The following SV2C variants were observed in gnomAD, a reference collection of about 807,000 sequenced individuals.
The protein encoded by SV2C is solute carrier family 22 member B3.
Under a neutral mutation model 79.7 loss-of-function variants are expected in SV2C, and 49 were observed. The ratio of observed to expected loss-of-function variants is 0.61; its 90% CI spans 0.49 to 0.78. The LOEUF (loss-of-function observed/expected upper bound fraction) is 0.78. Ranked by LOEUF, SV2C falls within the 30% of genes least tolerant of loss-of-function variation. The pLI is 0.00. For synonymous variants in SV2C, 334 were observed against 333.2 expected (o/e 1.00, Z -0.03); for missense variants, 833 against 912.9 (o/e 0.91, Z 1.13).
the SV2C span, among the ~76,000 whole-genome samples, chr5:75,957,259 A>G: frequency 6.6e-6 from 1 of 152,060 alleles, no homozygotes; most frequent in Non-Finnish European, 1.5e-5. Context: ...AGTAACATCT[A>G]CTAAGACATA....
the SV2C span, among the ~76,000 whole-genome samples, chr5:75,977,549 GT>G: frequency 6.6e-6 from 1 of 152,038 alleles, no homozygotes; most frequent in Admixed American, 6.6e-5. Context: ...TTGAAATTTT[GT>G]TTTTTAGCAC....
At chr5:75,919,000 C>A in the SV2C span, among the ~76,000 whole-genome samples, 1 of 152,124 alleles carries the variant, frequency 6.6e-6, no homozygotes, top group African/African-American at 2.4e-5. Flanking sequence ...TTAAACATTC[C>A]GGCAGAATTC....
chr5:75,927,985 G>A, the SV2C span, among the ~76,000 whole-genome samples: 9,667 of 152,254 alleles, frequency 0.063, 1,010 homozygotes, highest in African/African-American at 0.22. Context: ...CTTTCATCGA[G>A]TGTCTATTAC....
intron 4 of SV2C, among the ~76,000 whole-genome samples, chr5:76,272,696 A>C (rs1746908993): frequency 6.6e-6 from 1 of 152,226 alleles, no homozygotes. Flanking sequence ...TATCTGGTAG[A>C]GACACAAGAT....
the SV2C span, among the ~76,000 whole-genome samples, chr5:75,988,161 G>A: frequency 2.0e-5 from 3 of 151,878 alleles, no homozygotes; most frequent in African/African-American, 7.2e-5. Context: ...GGACATTACT[G>A]TATATGTCAT....
At chr5:75,932,902 A>G in the SV2C span, among the ~76,000 whole-genome samples, 1 of 152,152 alleles carries the variant, frequency 6.6e-6, no homozygotes, top group Non-Finnish European at 1.5e-5. Context: ...GCTGATACAA[A>G]GGGAACTATT....
chr5:75,966,482 C>T, the SV2C span, among the ~76,000 whole-genome samples: 3 of 152,156 alleles, frequency 2.0e-5, no homozygotes, highest in African/African-American at 7.2e-5. Context: ...CAAAGGCAAC[C>T]TTTAGTTGCC....
upstream of SV2C, among the ~76,000 whole-genome samples, chr5:76,079,994 G>C (rs972947974): frequency 6.6e-6 from 1 of 151,688 alleles, no homozygotes; most frequent in African/African-American, 2.4e-5. Context: ...GCACAGCAAA[G>C]ACTGCCAAAT....
chr5:76,184,578 C>T (rs965253657), intron 2 of SV2C, among the ~76,000 whole-genome samples: 25 of 152,160 alleles, frequency 1.6e-4, no homozygotes, highest in African/African-American at 3.9e-4. Context: ...ACAATCATGG[C>T]AAAAGGCACC....
At chr5:76,034,681 G>T in the SV2C span, among the ~76,000 whole-genome samples, 4 of 152,150 alleles carry the variant, frequency 2.6e-5, no homozygotes, top group East Asian at 5.8e-4. Flanking sequence ...TTGCATCAAT[G>T]TTCATCAAAG....
the SV2C span, among the ~76,000 whole-genome samples, chr5:75,918,457 A>G: frequency 6.6e-6 from 1 of 152,256 alleles, no homozygotes; most frequent in African/African-American, 2.4e-5. Context: ...CAAATGTTAT[A>G]TCTTCGTGAA....
At chr5:75,895,697 G>A in the SV2C span, among the ~76,000 whole-genome samples, 1 of 152,054 alleles carries the variant, frequency 6.6e-6, no homozygotes, top group Admixed American at 6.6e-5. Context: ...TGGGCCTCAT[G>A]CCACATGCAT....
At chr5:76,267,022 CA>C (rs1324061109) in intron 4 of SV2C, among the ~76,000 whole-genome samples, 1 of 152,114 alleles carries the variant, frequency 6.6e-6, no homozygotes, top group African/African-American at 2.4e-5. Context: ...TGCTGGACAT[CA>C]AAGGCATAAA....
At chr5:76,045,248 C>T in the SV2C span, among the ~76,000 whole-genome samples, 2,784 of 152,212 alleles carry the variant, frequency 0.018, 43 homozygotes, top group Non-Finnish European at 0.025. Flanking sequence ...TTTCTGAGAT[C>T]CCTATTCTGT....
At chr5:76,233,095 T>G (rs1219776692) in intron 4 of SV2C, among the ~76,000 whole-genome samples, 2 of 141,792 alleles carry the variant, frequency 1.4e-5, no homozygotes, top group East Asian at 3.9e-4. Flanking sequence ...TCCATTTGTT[T>G]GTATCCTCTT....
the SV2C span, among the ~76,000 whole-genome samples, chr5:76,072,211 A>C: frequency 1.3e-4 from 20 of 152,222 alleles, no homozygotes; most frequent in Admixed American, 1.2e-3. Context: ...CTTATATAGA[A>C]AAACTCTTGA....
the SV2C span, among the ~76,000 whole-genome samples, chr5:76,040,917 C>A: frequency 8.5e-5 from 13 of 152,172 alleles, 1 homozygote; most frequent in Non-Finnish European, 1.9e-4. Flanking sequence ...AGTATCATAG[C>A]CTACCAAAAC....
At chr5:75,967,701 A>C in the SV2C span, among the ~76,000 whole-genome samples, 2 of 152,354 alleles carry the variant, frequency 1.3e-5, no homozygotes, top group Admixed American at 1.3e-4. Flanking sequence ...ACCCCACCAC[A>C]GATCAAGGAG....
chr5:75,869,803 A>G, the SV2C span, among the ~76,000 whole-genome samples: 18,985 of 152,216 alleles, frequency 0.12, 1,394 homozygotes, highest in African/African-American at 0.22. Context: ...AGGCAGCTCA[A>G]AACAGAGAGA....
Sources: gnomAD v4.1 joint callset for allele counts (sites outside exome capture counted in the v4.1 genomes callset) on GRCh38, gnomAD v4.1.1 for gene constraint, MANE v1.5 for transcripts, NCBI Gene and HGNC (gene_info 2026-07-23, HGNC 2026-07-21) for gene names.